EBF1: variants seen among roughly 807,000 people sequenced by gnomAD.
EBF1 encodes the protein transcription factor COE1.
Under a neutral mutation model 68.4 loss-of-function variants are expected in EBF1, and 10 were observed. The observed-to-expected ratio is 0.15, with a 90% CI of 0.09 to 0.25. EBF1 has a LOEUF of 0.25. Among genes scored for constraint, EBF1 ranks in the 10% least tolerant of loss-of-function variants. EBF1 has a pLI of 1.00. For missense variants in EBF1, 509 were observed against 794.4 expected (o/e 0.64, Z 4.32); for synonymous variants, 298 against 299.8 (o/e 0.99, Z 0.06).
intron 10 of EBF1, among the ~76,000 whole-genome samples, chr5:158,776,273 C>A (rs911698127): frequency 6.6e-6 from 1 of 151,736 alleles, no homozygotes; most frequent in Non-Finnish European, 1.5e-5. Context: ...GGAGGCATTT[C>A]CAAGGGTCAG....
At chr5:159,030,075 C>A (rs1051834768) in intron 6 of EBF1, among the ~76,000 whole-genome samples, 2 of 138,258 alleles carry the variant, frequency 1.4e-5, no homozygotes, top group Non-Finnish European at 3.1e-5. Context: ...TCCATTAAAC[C>A]TAGGCTATGT....
intron 6 of EBF1, among the ~76,000 whole-genome samples, chr5:158,886,802 AGGAGTTC>A (rs1180059783): frequency 7.9e-5 from 12 of 152,356 alleles, no homozygotes; most frequent in African/African-American, 2.6e-4. Context: ...ACCTGAGGTC[AGGAGTTC>A]GAGACCAGCT....
intron 6 of EBF1, among the ~76,000 whole-genome samples, chr5:158,934,256 A>C (rs1314012237): frequency 2.6e-5 from 4 of 152,164 alleles, no homozygotes; most frequent in African/African-American, 4.8e-5. Context: ...TCCTTCCTTC[A>C]TTCATTCATT....
chr5:158,868,149 AT>A (rs1796272106), intron 6 of EBF1, among the ~76,000 whole-genome samples: 1 of 151,898 alleles, frequency 6.6e-6, no homozygotes, highest in Non-Finnish European at 1.5e-5. Flanking sequence ...TTTTTGCCAT[AT>A]TCTTCATTCT....
intron 6 of EBF1, among the ~76,000 whole-genome samples, chr5:158,864,380 G>C (rs1447969949): frequency 6.6e-6 from 1 of 152,114 alleles, no homozygotes; most frequent in Non-Finnish European, 1.5e-5. Context: ...AAAGGGGCAA[G>C]GGAAACTGCT....
At chr5:158,732,385 T>C (rs1051300015) in intron 10 of EBF1, among the ~76,000 whole-genome samples, 2 of 152,174 alleles carry the variant, frequency 1.3e-5, no homozygotes, top group African/African-American at 4.8e-5. Flanking sequence ...CAACCCAAAC[T>C]GACTGGCCCA....
chr5:158,886,426 G>A (rs938182126), intron 6 of EBF1, among the ~76,000 whole-genome samples: 1 of 152,200 alleles, frequency 6.6e-6, no homozygotes, highest in South Asian at 2.1e-4. Flanking sequence ...GTGTTTTCGA[G>A]TCCAAAGGAT....
chr5:158,727,976 G>A (rs1252523711), intron 11 of EBF1, among the ~76,000 whole-genome samples: 1 of 152,198 alleles, frequency 6.6e-6, no homozygotes, highest in Non-Finnish European at 1.5e-5. Context: ...GTTTAATAAA[G>A]AGGAGTTTGT....
At chr5:158,951,632 T>C (rs537334236) in intron 6 of EBF1, among the ~76,000 whole-genome samples, 1 of 152,234 alleles carries the variant, frequency 6.6e-6, no homozygotes, top group African/African-American at 2.4e-5. Flanking sequence ...GTGCATGAAA[T>C]ATATTCTCAA....
intron 6 of EBF1, among the ~76,000 whole-genome samples, chr5:158,965,000 G>A (rs867171060): frequency 6.6e-6 from 1 of 152,176 alleles, no homozygotes; most frequent in South Asian, 2.1e-4. Flanking sequence ...ATAATCCAAC[G>A]TGTTGAGATA....
At chr5:159,005,165 C>A (rs1354230258) in intron 6 of EBF1, among the ~76,000 whole-genome samples, 1 of 152,154 alleles carries the variant, frequency 6.6e-6, no homozygotes, top group Non-Finnish European at 1.5e-5. Flanking sequence ...CCCACAAGAG[C>A]AGTAAATTTC....
chr5:158,904,559 C>T (rs1428540228), intron 6 of EBF1, among the ~76,000 whole-genome samples: 1 of 152,178 alleles, frequency 6.6e-6, no homozygotes, highest in East Asian at 1.9e-4. Context: ...GAAAATAAAA[C>T]ATCCAGCAAT....
chr5:158,724,414 C>T (rs183339382), intron 11 of EBF1, among the ~76,000 whole-genome samples: 21 of 152,202 alleles, frequency 1.4e-4, no homozygotes, highest in African/African-American at 5.1e-4. Context: ...TTGCTGAAAC[C>T]CTTAGTCATC....
At chr5:158,978,777 G>A (rs1757284032) in intron 6 of EBF1, among the ~76,000 whole-genome samples, 1 of 137,538 alleles carries the variant, frequency 7.3e-6, no homozygotes, top group Non-Finnish European at 1.5e-5. Flanking sequence ...AAGAATTGAA[G>A]ATACACACAC....
rs577097085 is a variant in EBF1, at chr5:158,859,450, T to C, written c.555-19340A>G. Among the ~76,000 whole-genome samples, 18 of 152,310 alleles carry C rather than the reference T, an allele frequency of 1.2e-4. No homozygotes were observed. The East Asian group carries it at 3.3e-3, about 28-fold the overall frequency. On this transcript the variant is annotated intron_variant, in intron 6 of 15. Coordinates refer to ENST00000313708, the MANE Select transcript of EBF1 (RefSeq NM_024007.5). Reference sequence around the variant, plus strand: ...CTGAGGTGTCCAAAGTCTGTGAGTGTCTTTCTTACAATTCTGAGGTCATTT... The same window carrying C: ...CTGAGGTGTCCAAAGTCTGTGAGTGCCTTTCTTACAATTCTGAGGTCATTT...
intron 9 of EBF1, among the ~76,000 whole-genome samples, chr5:158,779,822 T>TA (rs1431664879): frequency 9.9e-5 from 15 of 152,284 alleles, no homozygotes; most frequent in African/African-American, 3.1e-4. Flanking sequence ...ATGACTGCAA[T>TA]AAAACTACAG....
intron 9 of EBF1, among the ~76,000 whole-genome samples, chr5:158,793,913 G>C (rs1219460390): frequency 6.6e-6 from 1 of 151,974 alleles, no homozygotes; most frequent in Non-Finnish European, 1.5e-5. Context: ...AAATAGTTTA[G>C]AATATTACAA....
intron 6 of EBF1, among the ~76,000 whole-genome samples, chr5:159,034,636 C>T (rs1447594004): frequency 6.6e-6 from 1 of 152,192 alleles, no homozygotes; most frequent in Non-Finnish European, 1.5e-5. Flanking sequence ...TCCATCTTGC[C>T]TGTACCATCG....
intron 6 of EBF1, among the ~76,000 whole-genome samples, chr5:158,894,573 A>T (rs935439811): frequency 9.9e-5 from 15 of 152,182 alleles, no homozygotes; most frequent in African/African-American, 3.4e-4. Flanking sequence ...ATGTAGAGTG[A>T]CCCATCCTTC....
Sources: gnomAD v4.1 joint callset for allele counts (sites outside exome capture counted in the v4.1 genomes callset) on GRCh38, gnomAD v4.1.1 for gene constraint, MANE v1.5 for transcripts, NCBI Gene and HGNC (gene_info 2026-07-23, HGNC 2026-07-21) for gene names.